Variants in CNTN4 observed in about 807,000 individuals in gnomAD.
The protein encoded by CNTN4 is contactin 4.
In CNTN4, 77 loss-of-function variants were observed where a neutral mutation model predicts 122.5. That is an observed-to-expected ratio of 0.63 (90% CI 0.52 to 0.76). The LOEUF (loss-of-function observed/expected upper bound fraction) is 0.76. CNTN4 is among the 30% of genes least tolerant of loss of function. CNTN4 has a pLI of 0.00. For synonymous variants in CNTN4, 512 were observed against 447.0 expected, an observed-to-expected ratio of 1.15 and a Z score of -1.83; for missense variants, 1,256 against 1,259.1, an observed-to-expected ratio of 1.00 and a Z score of 0.04.
chr3:2,295,435 T>C (rs2042274946), intron 2 of CNTN4, among the ~76,000 whole-genome samples: 1 of 139,026 alleles, frequency 7.2e-6, no homozygotes, highest in South Asian at 2.2e-4. Flanking sequence ...CCAGTGGTGA[T>C]GAGCATTTTT....
At chr3:2,909,908 T>C (rs2094281287) in intron 12 of CNTN4, among the ~76,000 whole-genome samples, 1 of 152,170 alleles carries the variant, frequency 6.6e-6, no homozygotes, top group Non-Finnish European at 1.5e-5. Context: ...TATCCTAAAA[T>C]AGGAAATCTG....
intron 6 of CNTN4, among the ~76,000 whole-genome samples, chr3:2,808,799 A>C (rs1349069902): frequency 6.6e-6 from 1 of 152,230 alleles, no homozygotes; most frequent in Non-Finnish European, 1.5e-5. Context: ...AGGTGGCTCC[A>C]TGCCCTTGAT....
chr3:2,852,186 A>T (rs548941944), intron 7 of CNTN4, among the ~76,000 whole-genome samples: 2 of 152,144 alleles, frequency 1.3e-5, no homozygotes, highest in Admixed American at 6.5e-5. Flanking sequence ...ACAAGATTTA[A>T]TTTTCTGGCC....
intron 3 of CNTN4, among the ~76,000 whole-genome samples, chr3:2,403,501 C>G (rs1409343082): frequency 6.6e-6 from 1 of 152,160 alleles, no homozygotes; most frequent in Non-Finnish European, 1.5e-5. Context: ...TCTCAACCTA[C>G]TTTCTAATAT....
In CNTN4 at chr3:2,954,488, T is replaced by G. The variant is rs1280785546; in HGVS notation, c.1358+28709T>G. ...AAGAAATTGCAATTATATTTATCAGTTTTTTTTCTCTGACCTTTGAATTTC... is the reference window on the plus strand; with the variant it reads ...AAGAAATTGCAATTATATTTATCAGGTTTTTTTCTCTGACCTTTGAATTTC... On this transcript the variant is annotated intron_variant, in intron 13 of 24. Coordinates refer to ENST00000418658, the MANE Select transcript of CNTN4 (RefSeq NM_175607.3). 2.6e-5 allele frequency among the ~76,000 whole-genome samples: 4 copies of G among 151,644 alleles called. No individual in the cohort carries two copies. The South Asian group carries it at 8.4e-4, about 32-fold the overall frequency.
intron 3 of CNTN4, among the ~76,000 whole-genome samples, chr3:2,463,850 C>T (rs548259844): frequency 6.6e-6 from 1 of 152,224 alleles, no homozygotes; most frequent in Non-Finnish European, 1.5e-5. Context: ...GTGTCTGGTA[C>T]TACGGTATGA....
chr3:2,597,324 C>T (rs777557593), intron 4 of CNTN4, among the ~76,000 whole-genome samples: 7 of 152,134 alleles, frequency 4.6e-5, no homozygotes, highest in Non-Finnish European at 1.0e-4. Flanking sequence ...AGGGGTAATG[C>T]CTCTTCTACT....
intron 4 of CNTN4, among the ~76,000 whole-genome samples, chr3:2,602,431 C>T (rs924875070): frequency 1.3e-5 from 2 of 152,156 alleles, no homozygotes; most frequent in African/African-American, 4.8e-5. Flanking sequence ...AAATCACAAG[C>T]ATTCCTATAC....
At chr3:2,702,979 G>T (rs2728033) in intron 4 of CNTN4, among the ~76,000 whole-genome samples, 2 of 152,008 alleles carry the variant, frequency 1.3e-5, no homozygotes, top group African/African-American at 4.8e-5. Context: ...GATATTCTCA[G>T]GAATGTGTTC....
At chr3:2,371,906 T>G (rs1182764692) in intron 3 of CNTN4, among the ~76,000 whole-genome samples, 3 of 152,242 alleles carry the variant, frequency 2.0e-5, no homozygotes, top group African/African-American at 4.8e-5. Context: ...TTGTGCTGTT[T>G]AAAATACAGC....
chr3:2,634,537 GA>G (rs1435480479), intron 4 of CNTN4, among the ~76,000 whole-genome samples: 1 of 151,882 alleles, frequency 6.6e-6, no homozygotes, highest in Non-Finnish European at 1.5e-5. Context: ...ATTAGTTTTT[GA>G]AAAATTCTAG....
intron 3 of CNTN4, among the ~76,000 whole-genome samples, chr3:2,389,065 G>A (rs995469239): frequency 6.6e-6 from 1 of 151,846 alleles, no homozygotes; most frequent in African/African-American, 2.4e-5. Flanking sequence ...GGAGGCTGAG[G>A]CAGGAGAATC....
chr3:2,333,407 G>C (rs1348100863), intron 2 of CNTN4, among the ~76,000 whole-genome samples: 1 of 152,220 alleles, frequency 6.6e-6, no homozygotes, highest in Non-Finnish European at 1.5e-5. Context: ...TTATGGTTCA[G>C]TGAAATAAAT....
At chr3:2,225,616 A>G (rs1009356559) in intron 2 of CNTN4, among the ~76,000 whole-genome samples, 1 of 152,150 alleles carries the variant, frequency 6.6e-6, no homozygotes, top group Non-Finnish European at 1.5e-5. Context: ...CTATCTCACG[A>G]CTTTTCTATT....
intron 3 of CNTN4, among the ~76,000 whole-genome samples, chr3:2,531,509 C>T (rs147179321): frequency 2.0e-5 from 3 of 152,286 alleles, no homozygotes; most frequent in Non-Finnish European, 4.4e-5. Flanking sequence ...AGCTTGTTAA[C>T]ATTTAATAAC....
chr3:2,166,875 T>G (rs967416447), intron 2 of CNTN4, among the ~76,000 whole-genome samples: 1 of 152,122 alleles, frequency 6.6e-6, no homozygotes, highest in African/African-American at 2.4e-5. Context: ...CCTTAATGGC[T>G]AGAGAATGCA....
At chr3:2,155,411 C>A (rs1382759088) in intron 2 of CNTN4, among the ~76,000 whole-genome samples, 1 of 152,086 alleles carries the variant, frequency 6.6e-6, no homozygotes, top group African/African-American at 2.4e-5. Flanking sequence ...CATTGGAGTC[C>A]CCCAGGAGCA....
intron 2 of CNTN4, among the ~76,000 whole-genome samples, chr3:2,291,713 A>ATATTT (rs201150571): frequency 2.4e-4 from 37 of 151,914 alleles, no homozygotes; most frequent in Middle Eastern, 3.4e-3. Context: ...TTGAACTATA[A>ATATTT]TATTTTATTT....
chr3:2,600,005 CTTCTTT>C (rs1276613485), intron 4 of CNTN4, among the ~76,000 whole-genome samples: 8 of 28,268 alleles, frequency 2.8e-4, no homozygotes, highest in African/African-American at 4.7e-4. Context: ...TTATGGAATT[CTTCTTT>C]TTTTTTTTTT....
Sources: allele counts gnomAD v4.1 joint callset (sites outside exome capture counted in the v4.1 genomes callset), GRCh38; gene constraint gnomAD v4.1.1; transcripts MANE v1.5; gene names NCBI Gene and HGNC (gene_info 2026-07-23, HGNC 2026-07-21).